Variants in UPF2 observed in about 807,000 individuals in gnomAD.
UPF2 encodes the protein UPF2 regulator of nonsense mediated mRNA decay, also known as regulator of nonsense transcripts 2.
Under a neutral mutation model 141.4 loss-of-function variants are expected in UPF2, and 17 were observed. The observed-to-expected ratio is 0.12, with a 90% CI of 0.08 to 0.18. The LOEUF is 0.18. Among genes scored for constraint, UPF2 ranks in the 10% least tolerant of loss-of-function variants. The pLI is 1.00. For synonymous variants in UPF2, 540 were observed against 498.0 expected (o/e 1.08, Z -1.12); for missense variants, 1,152 against 1,515.9 (o/e 0.76, Z 3.99).
intron 16 of UPF2, among the ~76,000 whole-genome samples, chr10:11,945,941 T>C (rs1832995019): frequency 6.6e-6 from 1 of 152,178 alleles, no homozygotes; most frequent in Admixed American, 6.5e-5. Context: ...TTACTGAATG[T>C]TTCTATTACA....
intron 4 of UPF2, among the ~76,000 whole-genome samples, chr10:12,011,430 T>C (rs775679696): frequency 1.3e-5 from 2 of 151,584 alleles, no homozygotes; most frequent in Non-Finnish European, 2.9e-5. Flanking sequence ...AAACCCCATC[T>C]CTACTAAAAA....
chr10:11,922,437 A>C (rs556455231), intron 21 of UPF2, among the ~76,000 whole-genome samples: 23 of 152,374 alleles, frequency 1.5e-4, no homozygotes, highest in African/African-American at 5.5e-4. Context: ...TGGAAAGAAC[A>C]CAAGTATTCC....
intron 20 of UPF2, among the ~76,000 whole-genome samples, chr10:11,930,802 G>A (rs898749832): frequency 5.3e-5 from 8 of 152,094 alleles, no homozygotes; most frequent in South Asian, 2.1e-4. Flanking sequence ...GTTGGGTATC[G>A]ACTGGGAGAG....
intron 14 of UPF2, among the ~76,000 whole-genome samples, chr10:11,954,041 T>C (rs1833110656): frequency 6.6e-6 from 1 of 152,224 alleles, no homozygotes; most frequent in Non-Finnish European, 1.5e-5. Context: ...GATAGTGAGT[T>C]GTTCACCCTA....
Position 12,041,906 on chromosome 10 carries a change from G to A in UPF2, c.-19+849C>T, listed in dbSNP as rs1218244862. On this transcript the variant is annotated intron_variant, in intron 1 of 21. Coordinates refer to ENST00000357604, the MANE Select transcript of UPF2 (RefSeq NM_015542.4). ...CGTGTAAGTCCTCTAAGATGAGCAA[G>A]AGAGCTGAAGGTCCGATCACCCCAG... Among the ~76,000 whole-genome samples, 5 of 152,152 alleles carry A rather than the reference G, an allele frequency of 3.3e-5. No homozygotes were observed. The East Asian group carries it at 9.6e-4, about 29-fold the overall frequency.
At chr10:11,994,362 C>G (rs1162433122) in intron 8 of UPF2, among the ~76,000 whole-genome samples, 1 of 152,154 alleles carries the variant, frequency 6.6e-6, no homozygotes, top group Non-Finnish European at 1.5e-5. Context: ...TATGTATCAG[C>G]TGCCCACTGT....
chr10:11,982,755 G>A (rs1833620160), intron 8 of UPF2, among the ~76,000 whole-genome samples: 1 of 151,984 alleles, frequency 6.6e-6, no homozygotes, highest in South Asian at 2.1e-4. Context: ...CAAGTACCTG[G>A]GATTACAGGC....
intron 3 of UPF2, among the ~76,000 whole-genome samples, chr10:12,024,451 A>C (rs946810252): frequency 6.6e-6 from 1 of 151,846 alleles, no homozygotes; most frequent in African/African-American, 2.4e-5. Flanking sequence ...CTCTACTAAA[A>C]ATACAAAAAT....
rs1833890892 is a variant in UPF2 at position 11,998,001 on chromosome 10, AAGAG to A, written c.1759-248_1759-245del. Among the ~76,000 whole-genome samples, 1 of 152,228 alleles carries A rather than the reference AAGAG, an allele frequency of 6.6e-6. No homozygotes were observed. The highest frequency in any genetic ancestry group is 1.5e-5 in the Non-Finnish European group (1 of 68,038). ...AAAAAGCAGTAAAGGGGAATGAGCA[AAGAG>A]AAAGAGACAGGCACAAATTATACCC... On this transcript the variant is annotated intron_variant, in intron 7 of 21. Coordinates refer to ENST00000357604, the MANE Select transcript of UPF2 (RefSeq NM_015542.4). The surrounding 1 kb of genome is among the most constrained non-coding windows in gnomAD (Gnocchi z 4.5).
chr10:11,984,856 G>A (rs963391887), intron 8 of UPF2, among the ~76,000 whole-genome samples: 1 of 152,146 alleles, frequency 6.6e-6, no homozygotes, highest in Non-Finnish European at 1.5e-5. Context: ...GGAACTACAG[G>A]TGCCTGCCAC....
At chr10:11,988,284 T>A (rs1258593450) in intron 8 of UPF2, among the ~76,000 whole-genome samples, 1 of 152,198 alleles carries the variant, frequency 6.6e-6, no homozygotes, top group Non-Finnish European at 1.5e-5. Flanking sequence ...AAATGCTATA[T>A]AAATAGTTGT....
chr10:11,934,152 T>A (rs12779014), intron 19 of UPF2, among the ~76,000 whole-genome samples: 2 of 152,216 alleles, frequency 1.3e-5, no homozygotes, highest in African/African-American at 4.8e-5. Context: ...TAAAACGTGA[T>A]AACTGAAATA....
intron 19 of UPF2, among the ~76,000 whole-genome samples, chr10:11,934,819 A>C (rs1216907602): frequency 6.6e-6 from 1 of 152,068 alleles, no homozygotes; most frequent in Non-Finnish European, 1.5e-5. Flanking sequence ...TGAATCCCTG[A>C]CCTTGTGATC....
At chr10:11,994,418 C>T (rs559766729) in intron 8 of UPF2, among the ~76,000 whole-genome samples, 91 of 152,162 alleles carry the variant, frequency 6.0e-4, no homozygotes, top group Middle Eastern at 3.4e-3. Flanking sequence ...TTCTTGTATA[C>T]GCAAAAGAAT....
intron 6 of UPF2, among the ~76,000 whole-genome samples, chr10:12,000,719 T>C (rs1339655919): frequency 6.6e-6 from 1 of 152,186 alleles, no homozygotes; most frequent in Non-Finnish European, 1.5e-5. Context: ...TGCAGGAGGA[T>C]GACTTGAGCT....
intron 16 of UPF2, 124 bp from the exon 17 acceptor site, chr10:11,943,292 G>A (rs1274592205): frequency 1.3e-5 from 11 of 870,514 alleles, no homozygotes; most frequent in Non-Finnish European, 1.7e-5. Flanking sequence ...AGCTCTTTAG[G>A]TAGTTGGTTT....
At chr10:12,041,082 C>T (rs1258127802) in intron 1 of UPF2, among the ~76,000 whole-genome samples, 1 of 152,120 alleles carries the variant, frequency 6.6e-6, no homozygotes, top group Non-Finnish European at 1.5e-5. Context: ...ATACAAACAC[C>T]GTGATTCACC....
chr10:12,032,026 G>T (rs1471681163), intron 2 of UPF2, among the ~76,000 whole-genome samples: 2 of 152,178 alleles, frequency 1.3e-5, no homozygotes, highest in Non-Finnish European at 2.9e-5. Context: ...GGGTGCCGTG[G>T]CTCACGCCTG....
intron 11 of UPF2, among the ~76,000 whole-genome samples, chr10:11,961,169 G>C (rs974533992): frequency 1.3e-5 from 2 of 151,342 alleles, no homozygotes; most frequent in Admixed American, 6.6e-5. Context: ...CCAGTGAACA[G>C]GACAGACATG....
Sources: gnomAD v4.1 joint callset for allele counts (sites outside exome capture counted in the v4.1 genomes callset) on GRCh38, gnomAD v4.1.1 for gene constraint, Gnocchi (gnomAD v3.1) non-coding constraint, MANE v1.5 for transcripts, NCBI Gene and HGNC (gene_info 2026-07-23, HGNC 2026-07-21) for gene names.